BMAL1: variants seen among roughly 807,000 people sequenced by gnomAD.
BMAL1 encodes basic helix-loop-helix ARNT like 1.
chr11:13,324,772 A>T, the BMAL1 span, among the ~76,000 whole-genome samples: 2 of 152,238 alleles, frequency 1.3e-5, no homozygotes, highest in African/African-American at 4.8e-5. Flanking sequence ...AGGTGGGTGG[A>T]TGGACAAATG....
the BMAL1 span, among the ~76,000 whole-genome samples, chr11:13,343,714 G>A: frequency 6.6e-6 from 1 of 152,186 alleles, no homozygotes; most frequent in Non-Finnish European, 1.5e-5. Flanking sequence ...TGCCCTGGGG[G>A]AACTAGCACT....
At chr11:13,341,289 T>C in the BMAL1 span, among the ~76,000 whole-genome samples, 2 of 152,228 alleles carry the variant, frequency 1.3e-5, no homozygotes, top group Non-Finnish European at 1.5e-5. Context: ...CTGCCTGTCC[T>C]GGGGTCCCAC....
At chr11:13,284,075 GGGGTGT>G in the BMAL1 span, among the ~76,000 whole-genome samples, 2 of 50,662 alleles carry the variant, frequency 3.9e-5, no homozygotes, top group Admixed American at 2.4e-4. Context: ...CCACAGTGTT[GGGGTGT>G]GTGTGTGTGT....
At chr11:13,367,979 C>A in the BMAL1 span, among the ~76,000 whole-genome samples, 1 of 152,184 alleles carries the variant, frequency 6.6e-6, no homozygotes, top group South Asian at 2.1e-4. Flanking sequence ...ACGTTAATCC[C>A]TGGAAAAAAA....
chr11:13,340,914 G>A, the BMAL1 span, among the ~76,000 whole-genome samples: 4 of 152,274 alleles, frequency 2.6e-5, no homozygotes, highest in Admixed American at 1.3e-4. Flanking sequence ...AACCCAGTGC[G>A]GGGAATCCAC....
chr11:13,311,285 A>G, the BMAL1 span, among the ~76,000 whole-genome samples: 1 of 152,246 alleles, frequency 6.6e-6, no homozygotes, highest in Non-Finnish European at 1.5e-5. Context: ...GGTCTCCCCA[A>G]GATGAGCAGT....
At chr11:13,277,281 G>C in the BMAL1 span, among the ~76,000 whole-genome samples, 1 of 152,242 alleles carries the variant, frequency 6.6e-6, no homozygotes, top group Admixed American at 6.5e-5. Flanking sequence ...GAAGAAGAAG[G>C]AGGAGGGGTG....
chr11:13,385,001 C>T, the BMAL1 span, among the ~76,000 whole-genome samples: 1 of 152,144 alleles, frequency 6.6e-6, no homozygotes, highest in Non-Finnish European at 1.5e-5. Context: ...CACCTGCTGG[C>T]AAAGCCTGAA....
the BMAL1 span, among the ~76,000 whole-genome samples, chr11:13,312,356 T>TG: frequency 6.6e-6 from 1 of 152,196 alleles, no homozygotes; most frequent in South Asian, 2.1e-4. Context: ...GTGTCTGGAA[T>TG]TTTTCCTCCT....
the BMAL1 span, among the ~76,000 whole-genome samples, chr11:13,278,249 C>CA: frequency 6.6e-6 from 1 of 152,222 alleles, no homozygotes; most frequent in Non-Finnish European, 1.5e-5. Context: ...CTGGAGTACC[C>CA]ACCGCCCTTC....
At chr11:13,380,494 G>A in the BMAL1 span, 1 of 152,134 alleles carries the variant, frequency 6.6e-6, no homozygotes, top group South Asian at 2.1e-4. Flanking sequence ...GTATTTAGGT[G>A]GATTTACAGT....
chr11:13,291,693 T>A, the BMAL1 span, among the ~76,000 whole-genome samples: 5 of 152,092 alleles, frequency 3.3e-5, no homozygotes, highest in East Asian at 9.7e-4. Context: ...TTCACTGTAT[T>A]TAGAAGTCGG....
chr11:13,385,523 T>C, the BMAL1 span, among the ~76,000 whole-genome samples: 1 of 152,196 alleles, frequency 6.6e-6, no homozygotes. Context: ...GGAGAGGTTT[T>C]TTCTTACTCT....
chr11:13,317,805 G>A, the BMAL1 span, among the ~76,000 whole-genome samples: 6 of 152,110 alleles, frequency 3.9e-5, no homozygotes, highest in African/African-American at 1.4e-4. Flanking sequence ...CCATCTTTCT[G>A]AAATAAAAGT....
the BMAL1 span, chr11:13,277,688 G>A: frequency 4.5e-5 from 5 of 110,296 alleles, no homozygotes; most frequent in Admixed American, 1.2e-4. Flanking sequence ...GGGCGCTGCG[G>A]CTCCTCCATT....
the BMAL1 span, among the ~76,000 whole-genome samples, chr11:13,284,511 G>A: frequency 1.3e-5 from 2 of 151,106 alleles, no homozygotes; most frequent in Non-Finnish European, 2.9e-5. Context: ...CAGAGCTCTC[G>A]TCCTGAGCTC....
the BMAL1 span, chr11:13,379,352 CAGG>C: frequency 6.6e-6 from 1 of 152,158 alleles, no homozygotes; most frequent in East Asian, 1.9e-4. Context: ...TGGATTCTCT[CAGG>C]AGAATTAGAG....
the BMAL1 span, among the ~76,000 whole-genome samples, chr11:13,318,063 G>A: frequency 6.6e-6 from 1 of 152,276 alleles, no homozygotes; most frequent in Non-Finnish European, 1.5e-5. Context: ...CAGTGCGGAA[G>A]AGTGGTGGTC....
the BMAL1 span, among the ~76,000 whole-genome samples, chr11:13,377,869 T>C: frequency 6.6e-6 from 1 of 152,238 alleles, no homozygotes; most frequent in Non-Finnish European, 1.5e-5. Context: ...CTAATTCATA[T>C]TCATCTCTCA....
Sources: gnomAD v4.1 joint callset for allele counts (sites outside exome capture counted in the v4.1 genomes callset) on GRCh38, gnomAD v4.1.1 for gene constraint, MANE v1.5 for transcripts, NCBI Gene and HGNC (gene_info 2026-07-23, HGNC 2026-07-21) for gene names.